The following FCHSD2 variants were observed in gnomAD, a reference collection of about 807,000 sequenced individuals.
FCHSD2 encodes the protein FCH and double SH3 domains 2, also known as F-BAR and double SH3 domains protein 2.
In FCHSD2, 38 loss-of-function variants were observed where a neutral mutation model predicts 108.1. The ratio of observed to expected loss-of-function variants is 0.35; its 90% CI spans 0.27 to 0.46. The LOEUF (loss-of-function observed/expected upper bound fraction) is 0.46. FCHSD2 is among the 20% of genes least tolerant of loss of function. The pLI, the probability that FCHSD2 is intolerant of heterozygous loss-of-function variation, is 1.00. For missense variants in FCHSD2, 751 were observed against 897.8 expected, an observed-to-expected ratio of 0.84 and a Z score of 2.09; for synonymous variants, 279 against 314.7, an observed-to-expected ratio of 0.89 and a Z score of 1.20.
chr11:72,999,208 A>G (rs1857576625), intron 5 of FCHSD2, among the ~76,000 whole-genome samples: 1 of 152,048 alleles, frequency 6.6e-6, no homozygotes, highest in African/African-American at 2.4e-5. Context: ...TATACCCAAT[A>G]TGTACTGAAT....
chr11:72,989,584 A>G (rs1407755229), intron 5 of FCHSD2, among the ~76,000 whole-genome samples: 3 of 152,184 alleles, frequency 2.0e-5, no homozygotes, highest in South Asian at 2.1e-4. Flanking sequence ...TCCAAGGTGA[A>G]CAAGAGAAGC....
chr11:73,088,325 T>C (rs1447830962), intron 2 of FCHSD2, among the ~76,000 whole-genome samples: 1 of 152,212 alleles, frequency 6.6e-6, no homozygotes, highest in Non-Finnish European at 1.5e-5. Context: ...GGCTATATCA[T>C]ATAGCTTAGG....
At chr11:73,135,883 T>A (rs1861109499) in intron 2 of FCHSD2, among the ~76,000 whole-genome samples, 1 of 152,134 alleles carries the variant, frequency 6.6e-6, no homozygotes, top group South Asian at 2.1e-4. Flanking sequence ...AGGGGTGCGT[T>A]GCAGCAGTAG....
intron 8 of FCHSD2, among the ~76,000 whole-genome samples, chr11:72,927,813 A>G (rs115160909): frequency 6.8e-4 from 104 of 152,356 alleles, no homozygotes; most frequent in African/African-American, 2.5e-3. Context: ...AATAGGGTCA[A>G]GAGCACCAAT....
chr11:73,038,848 G>C (rs961131117), intron 3 of FCHSD2, among the ~76,000 whole-genome samples: 83 of 151,736 alleles, frequency 5.5e-4, no homozygotes, highest in African/African-American at 1.9e-3. Flanking sequence ...TAAAATAAAA[G>C]TTGAAAAAAA....
chr11:73,064,410 A>G (rs1432508039), intron 3 of FCHSD2, among the ~76,000 whole-genome samples: 1 of 152,170 alleles, frequency 6.6e-6, no homozygotes, highest in African/African-American at 2.4e-5. Flanking sequence ...TTCAAAATCT[A>G]GCAGAAGACA....
rs561646856 is a variant in FCHSD2, at chr11:72,994,413, T to C, written c.388-5316A>G. Among the ~76,000 whole-genome samples the C allele has an allele frequency of 5.9e-5, 9 of 151,744 alleles. No individual in the cohort carries two copies. The South Asian group carries it at 6.2e-4, about 10-fold the overall frequency. On this transcript the variant is annotated intron_variant, in intron 5 of 19. Coordinates refer to ENST00000409418, the MANE Select transcript of FCHSD2 (RefSeq NM_014824.3). The stretch of plus-strand genomic sequence containing the variant: ...GTAGTAGTAGTAGCAGCAGCAGCAG[T>C]AGTAGTAGTAGCAGTGATCCCATTA...
intron 2 of FCHSD2, among the ~76,000 whole-genome samples, chr11:73,098,718 C>T (rs146921791): frequency 6.6e-6 from 1 of 152,136 alleles, no homozygotes; most frequent in African/African-American, 2.4e-5. Flanking sequence ...TTTCTACATA[C>T]AAAAAATGAA....
intron 12 of FCHSD2, among the ~76,000 whole-genome samples, chr11:72,873,215 G>C (rs1024971048): frequency 2.0e-5 from 3 of 151,970 alleles, no homozygotes; most frequent in African/African-American, 7.3e-5. Flanking sequence ...TGTAATCCCA[G>C]CTACTCAGGA....
intron 4 of FCHSD2, among the ~76,000 whole-genome samples, chr11:73,004,395 G>C (rs1857695871): frequency 6.6e-6 from 1 of 152,086 alleles, no homozygotes; most frequent in African/African-American, 2.4e-5. Flanking sequence ...CCCATCCCAA[G>C]TTCAATCTTC....
chr11:73,028,684 C>T (rs1385153439), intron 3 of FCHSD2, among the ~76,000 whole-genome samples: 3 of 152,160 alleles, frequency 2.0e-5, no homozygotes, highest in Non-Finnish European at 2.9e-5. Flanking sequence ...TCTGTGTCCC[C>T]ACCCAATTCT....
At chr11:72,993,314 A>C (rs1432527912) in intron 5 of FCHSD2, among the ~76,000 whole-genome samples, 205 of 152,124 alleles carry the variant, frequency 1.3e-3, no homozygotes, top group African/African-American at 4.5e-3. Flanking sequence ...GTTGGTGGGA[A>C]TGTAAACTAG....
intron 4 of FCHSD2, among the ~76,000 whole-genome samples, chr11:73,012,484 A>G (rs59566812): frequency 0.034 from 5,147 of 152,344 alleles, 290 homozygotes; most frequent in African/African-American, 0.12. Flanking sequence ...GATAAAAAAC[A>G]TGTATTACTT....
At position 73,140,257 on chromosome 11, in the gene FCHSD2, C is replaced by T. The variant is rs1477201925; in HGVS notation, c.22-129G>A. ...CCCTGAAGGCCATAAATCCAATATT[C>T]GCCATCTAGTTTTATTTATTGAAGA... On this transcript the variant is annotated intron_variant, in intron 1 of 19. Transcript: ENST00000409418. The T allele has an allele frequency of 3.1e-5, 16 of 513,820 alleles. No individual in the cohort carries two copies. In the Admixed American group the frequency reaches 4.9e-4, roughly 16 times the overall value. The allele number at this position is 513,820 out of a possible 1,614,324, so 31.8% of individuals were successfully genotyped here.
Position 73,108,793 on chromosome 11 carries a change from G to A in FCHSD2, c.120-25053C>T, listed in dbSNP as rs565541067. The stretch of plus-strand genomic sequence containing the variant: ...TCACCTTGTTAGCCAGGATGGTCTC[G>A]ATCTCCTGACCTCATGATCCACCCG... On this transcript the variant is annotated intron_variant, in intron 2 of 19. Coordinates refer to ENST00000409418, the MANE Select transcript of FCHSD2 (RefSeq NM_014824.3). Among the ~76,000 whole-genome samples the A allele has an allele frequency of 1.8e-3, 277 of 151,932 alleles. 2 individuals carry two copies. The highest frequency in any genetic ancestry group is 6.0e-3 in the African/African-American group (248 of 41,412).
intron 3 of FCHSD2, among the ~76,000 whole-genome samples, chr11:73,040,240 C>G: frequency 6.6e-6 from 1 of 152,166 alleles, no homozygotes. Context: ...GCCAACCAAC[C>G]CAGCTCTTTT....
intron 12 of FCHSD2, among the ~76,000 whole-genome samples, chr11:72,870,680 C>G (rs1260279761): frequency 6.6e-6 from 1 of 151,984 alleles, no homozygotes; most frequent in Admixed American, 6.6e-5. Context: ...GGGGGCAGAT[C>G]ACGAGGTCAG....
chr11:73,130,634 G>A (rs1356988079), intron 2 of FCHSD2, among the ~76,000 whole-genome samples: 1 of 152,200 alleles, frequency 6.6e-6, no homozygotes, highest in Non-Finnish European at 1.5e-5. Flanking sequence ...AATAGGAAGA[G>A]GTATTACCAA....
rs2135154681 is a variant in FCHSD2 at position 72,842,738 on chromosome 11, A to T, written c.1809T>A (p.Asp603Glu). ...ATTCCCCTTCCCAGAAGCCATCATC[A>T]TCTTGGTTTTCTTTGTTCAAGATAC... Reference protein sequence around the residue: ...IIRILNKENQDDDGFWEGEFN... With the variant: ...IIRILNKENQEDDGFWEGEFN... Residue 603 changes from aspartate to glutamate, a missense_variant, in exon 17 of 20, where the codon GAT (aspartate) becomes GAA (glutamate). Coordinates refer to ENST00000409418, the MANE Select transcript of FCHSD2 (RefSeq NM_014824.3). The T allele has an allele frequency of 1.2e-6, 2 of 1,613,982 alleles. No homozygotes were observed. The highest frequency in any genetic ancestry group is 2.2e-5 in the East Asian group (1 of 44,882).
Sources: gnomAD v4.1 joint callset for allele counts (sites outside exome capture counted in the v4.1 genomes callset) on GRCh38, gnomAD v4.1.1 for gene constraint, MANE v1.5 for transcripts, NCBI Gene and HGNC (gene_info 2026-07-23, HGNC 2026-07-21) for gene names.